Variants in KCNK13 observed in about 807,000 individuals in gnomAD.
KCNK13 encodes potassium channel subfamily K member 13.
KCNK13 carries 12 observed loss-of-function variants against 23.4 expected under a neutral mutation model. The observed-to-expected ratio is 0.51, with a 90% CI of 0.33 to 0.83. The LOEUF (loss-of-function observed/expected upper bound fraction) is 0.83, where lower values mean the gene tolerates loss of function less well. Among genes scored for constraint, KCNK13 ranks in the 40% least tolerant of loss-of-function variants. The pLI, the probability that KCNK13 is intolerant of heterozygous loss-of-function variation, is 0.02. For synonymous variants in KCNK13, 231 were observed against 229.5 expected, an observed-to-expected ratio of 1.01 and a Z score of -0.06; for missense variants, 463 against 556.3, an observed-to-expected ratio of 0.83 and a Z score of 1.69.
rs571172454 is a variant in KCNK13 at position 90,124,603 on chromosome 14, G to A, written c.335-59508G>A. Reference sequence around the variant, plus strand: ...TAGCCCACAAGGAAACGGGGACCTCGGTCCTGCAACCACAAGGAATTGAAT... The same window carrying A: ...TAGCCCACAAGGAAACGGGGACCTCAGTCCTGCAACCACAAGGAATTGAAT... On this transcript the variant is annotated intron_variant, in intron 1 of 1. Transcript: ENST00000282146. 3.3e-5 allele frequency among the ~76,000 whole-genome samples: 5 copies of A among 152,296 alleles called. No individual in the cohort carries two copies. The South Asian group carries it at 6.2e-4, about 19-fold the overall frequency.
In KCNK13 at chr14:90,104,745, GGTGTCACT is replaced by G. The variant is rs539833907; in HGVS notation, c.334+42209_334+42216del. 2.8e-3 allele frequency among the ~76,000 whole-genome samples: 414 copies of G among 149,506 alleles called. 2 individuals are homozygous for G. The highest frequency in any genetic ancestry group is 9.7e-3 in the African/African-American group (394 of 40,510). Reference sequence around the variant, plus strand: ...GTCTCGGGGGTCCCTTTCCATATGAGGTGTCACTGTCTTGAACTTGGGGATCAGCTACT... The same window carrying G: ...GTCTCGGGGGTCCCTTTCCATATGAGGTCTTGAACTTGGGGATCAGCTACT... On this transcript the variant is annotated intron_variant, in intron 1 of 1. Coordinates refer to ENST00000282146, the MANE Select transcript of KCNK13 (RefSeq NM_022054.4).
intron 1 of KCNK13, among the ~76,000 whole-genome samples, chr14:90,139,877 G>A (rs1038503669): frequency 7.9e-5 from 12 of 152,108 alleles, no homozygotes; most frequent in African/African-American, 2.2e-4. Context: ...CATGAGAATC[G>A]CTTGAACCTG....
At chr14:90,093,394 GGA>G (rs1490620476) in intron 1 of KCNK13, among the ~76,000 whole-genome samples, 1 of 152,210 alleles carries the variant, frequency 6.6e-6, no homozygotes, top group Non-Finnish European at 1.5e-5. Context: ...AGTTGGAGAT[GGA>G]GTCAGTCCCA....
chr14:90,142,390 C>A (rs181153670), intron 1 of KCNK13, among the ~76,000 whole-genome samples: 1 of 134,454 alleles, frequency 7.4e-6, no homozygotes, highest in Admixed American at 8.6e-5. Flanking sequence ...ATGATCTCGG[C>A]TCACTGCAAG....
intron 1 of KCNK13, among the ~76,000 whole-genome samples, chr14:90,110,776 A>G (rs1889606849): frequency 6.6e-6 from 1 of 152,034 alleles, no homozygotes; most frequent in Non-Finnish European, 1.5e-5. Context: ...TGGGAGGCCG[A>G]GGCGGGCAGA....
At position 90,184,091 on chromosome 14, in the gene KCNK13, C is replaced by T. The variant is rs1890516961; in HGVS notation, c.335-20C>T. 1.3e-6 allele frequency: 2 copies of T among 1,598,324 alleles called. No individual in the cohort carries two copies. Among genetic ancestry groups the T allele is most frequent in the Non-Finnish European group, 1.7e-6 (2 of 1,170,458 alleles). ...CAGCAAAGATTTCTCTTACTCTTCT[C>T]TCATTTTTCTCTCCTGCAGGGTTTG... On this transcript the variant is annotated intron_variant, in intron 1 of 1. Coordinates refer to ENST00000282146, the MANE Select transcript of KCNK13 (RefSeq NM_022054.4). This position sits in a 1 kb window ranked among gnomAD's most constrained non-coding sequence, Gnocchi z 5.6.
At chr14:90,074,217 C>T (rs1203211417) in intron 1 of KCNK13, among the ~76,000 whole-genome samples, 1 of 152,254 alleles carries the variant, frequency 6.6e-6, no homozygotes, top group East Asian at 1.9e-4. Context: ...ATCCACCCGC[C>T]TTGGCCTCCC....
chr14:90,142,809 A>G (rs1456351939), intron 1 of KCNK13, among the ~76,000 whole-genome samples: 1 of 152,216 alleles, frequency 6.6e-6, no homozygotes, highest in Non-Finnish European at 1.5e-5. Flanking sequence ...TATGTATGGG[A>G]GCATTCACTG....
chr14:90,142,117 C>T (rs957270010), intron 1 of KCNK13, among the ~76,000 whole-genome samples: 7 of 151,698 alleles, frequency 4.6e-5, no homozygotes, highest in African/African-American at 1.7e-4. Context: ...CCCCTCCCTT[C>T]CCTGTCCCCA....
At chr14:90,069,484 G>T (rs1318892950) in intron 1 of KCNK13, among the ~76,000 whole-genome samples, 1 of 151,988 alleles carries the variant, frequency 6.6e-6, no homozygotes, top group Non-Finnish European at 1.5e-5. Flanking sequence ...GCCCTGGTCA[G>T]TGTGTAAATC....
At chr14:90,082,506 T>G (rs1247133893) in intron 1 of KCNK13, among the ~76,000 whole-genome samples, 1 of 152,238 alleles carries the variant, frequency 6.6e-6, no homozygotes, top group African/African-American at 2.4e-5. Flanking sequence ...TCTGGACATT[T>G]CATATAAATG....
intron 1 of KCNK13, among the ~76,000 whole-genome samples, chr14:90,154,590 A>G (rs1890173672): frequency 6.6e-6 from 1 of 152,200 alleles, no homozygotes; most frequent in African/African-American, 2.4e-5. Context: ...CCATTGCGTG[A>G]TTGGTTACAA....
At chr14:90,101,812 A>AAAAC (rs1889483919) in intron 1 of KCNK13, among the ~76,000 whole-genome samples, 1 of 147,672 alleles carries the variant, frequency 6.8e-6, no homozygotes, top group African/African-American at 2.5e-5. Flanking sequence ...AAAAAAAAAA[A>AAAAC]CCTCACAAGT....
At chr14:90,064,423 G>A (rs1035717574) in intron 1 of KCNK13, among the ~76,000 whole-genome samples, 1 of 152,098 alleles carries the variant, frequency 6.6e-6, no homozygotes, top group Non-Finnish European at 1.5e-5. Context: ...GGCATGGGTA[G>A]GTGGCCATAT....
intron 1 of KCNK13, among the ~76,000 whole-genome samples, chr14:90,161,713 G>A (rs1441381280): frequency 1.3e-5 from 2 of 152,204 alleles, no homozygotes; most frequent in African/African-American, 4.8e-5. Context: ...ATCTCTAAAT[G>A]TAAGGCAACC....
intron 1 of KCNK13, among the ~76,000 whole-genome samples, chr14:90,165,887 C>T (rs1411338042): frequency 1.3e-5 from 2 of 152,194 alleles, no homozygotes; most frequent in Non-Finnish European, 2.9e-5. Context: ...GATGCAGTGA[C>T]TCTCAGGGAA....
At chr14:90,161,773 A>G (rs1043183695) in intron 1 of KCNK13, among the ~76,000 whole-genome samples, 2 of 152,228 alleles carry the variant, frequency 1.3e-5, no homozygotes, top group African/African-American at 4.8e-5. Flanking sequence ...ATGATTCTAA[A>G]GCTCATCAGG....
intron 1 of KCNK13, among the ~76,000 whole-genome samples, chr14:90,180,917 C>T (rs1328113467): frequency 3.3e-5 from 5 of 151,898 alleles, no homozygotes; most frequent in African/African-American, 7.3e-5. Context: ...AGTGCGGTGG[C>T]GCAATCTTGG....
intron 1 of KCNK13, among the ~76,000 whole-genome samples, chr14:90,175,799 C>T (rs1445881801): frequency 2.0e-5 from 3 of 152,198 alleles, no homozygotes; most frequent in Non-Finnish European, 4.4e-5. Flanking sequence ...CAACTGCTGA[C>T]TCTTGTGACT....
Sources: allele counts gnomAD v4.1 joint callset (sites outside exome capture counted in the v4.1 genomes callset), GRCh38; gene constraint gnomAD v4.1.1; non-coding constraint Gnocchi (gnomAD v3.1); transcripts MANE v1.5; gene names NCBI Gene and HGNC (gene_info 2026-07-23, HGNC 2026-07-21).